Variants in TFDP1 observed in about 807,000 individuals in gnomAD.
TFDP1 encodes the protein DRTF1-polypeptide 1.
A neutral mutation model predicts 48.0 loss-of-function variants in TFDP1; 6 were observed. The observed-to-expected ratio is 0.13, with a 90% CI of 0.07 to 0.25. TFDP1 has a LOEUF of 0.25. Ranked by LOEUF, TFDP1 falls within the 10% of genes least tolerant of loss-of-function variation. The probability of loss-of-function intolerance (pLI) is 1.00; values close to 1 mark genes in which losing one functional copy is unlikely to be tolerated. For missense variants in TFDP1, 335 were observed against 543.0 expected, an observed-to-expected ratio of 0.62 and a Z score of 3.81; for synonymous variants, 201 against 211.6, an observed-to-expected ratio of 0.95 and a Z score of 0.44.
chr13:113,593,347 G>T (rs549401022), intron 2 of TFDP1, among the ~76,000 whole-genome samples: 2 of 138,970 alleles, frequency 1.4e-5, no homozygotes, highest in Admixed American at 7.1e-5. Context: ...CAGGTGACAG[G>T]TGTGCTGTGT....
At chr13:113,631,926 G>A in intron 5 of TFDP1, 182 bp downstream of exon 5, 1 of 808,858 alleles carries the variant, frequency 1.2e-6, no homozygotes, top group Non-Finnish European at 1.8e-6. Flanking sequence ...GAGGCGCACT[G>A]CCTCGGTCAT....
At chr13:113,606,799 A>G (rs1566648895) in intron 2 of TFDP1, among the ~76,000 whole-genome samples, 1 of 152,150 alleles carries the variant, frequency 6.6e-6, no homozygotes, top group Admixed American at 6.5e-5. Flanking sequence ...ACATTGTATT[A>G]TGAAATATTT....
At position 113,634,542 on chromosome 13, in the gene TFDP1, A is replaced by G; in HGVS notation, c.627A>G (p.Arg209=). Residue 209 remains arginine (R), a synonymous_variant, in exon 8 of 12, where the codon AGA becomes AGG. Coordinates refer to ENST00000375370, the MANE Select transcript of TFDP1 (RefSeq NM_007111.5). ...GTGGTTTGTTTTTGAAGGTGGAAAG[A>G]CAGAGGAGACTTGAAAGAATAAAAC... ...AQECQNLEVE[R]QRRLERIKQK... is the part of the protein sequence containing the mutation. 1.2e-6 allele frequency: 2 copies of G among 1,613,538 alleles called. No individual in the cohort carries two copies. Among genetic ancestry groups the G allele is most frequent in the East Asian group, 2.2e-5 (1 of 44,882 alleles).
chr13:113,606,396 A>T (rs1470541376), intron 2 of TFDP1, among the ~76,000 whole-genome samples: 1 of 152,170 alleles, frequency 6.6e-6, no homozygotes, highest in African/African-American at 2.4e-5. Context: ...TTTGGTGTCC[A>T]GTGAGAACCA....
chr13:113,588,943 G>A, intron 2 of TFDP1, among the ~76,000 whole-genome samples: 1 of 151,740 alleles, frequency 6.6e-6, no homozygotes. Flanking sequence ...GGTGTTGTGG[G>A]TGGAGAGTGA....
rs558801911 is a variant in TFDP1 at position 113,641,280 on chromosome 13, A to C, written c.*1013A>C. On this transcript the variant is annotated 3_prime_UTR_variant, in exon 12 of 12. Transcript: ENST00000375370. ...TAAGGACAGGCAGTAGTCTCTTTTA[A>C]AATTTATTCACAAAACCCATTAACT... 3 of 152,420 alleles carry C rather than the reference A, an allele frequency of 2.0e-5. No individual in the cohort carries two copies. In the East Asian group the frequency reaches 5.8e-4, roughly 29 times the overall value. The allele number at this position is 152,420 out of a possible 1,614,324, so 9.4% of individuals were successfully genotyped here. A position where few individuals can be genotyped will look rare whatever the true frequency, so the allele number is the denominator to read the frequency against.
rs551335371 is a variant in TFDP1 at position 113,586,461 on chromosome 13, A to G, written c.12+612A>G. ...TATTTTGAAAATTTTTTAAAGCCAG[A>G]AATTTAGTCTATTTTATTGGTGTGC... On this transcript the variant is annotated intron_variant, in intron 2 of 11. Coordinates refer to ENST00000375370, the MANE Select transcript of TFDP1 (RefSeq NM_007111.5). Among the ~76,000 whole-genome samples the G allele has an allele frequency of 7.2e-5, 11 of 152,294 alleles. No individual in the cohort carries two copies. In the South Asian group the frequency reaches 2.1e-3, roughly 29 times the overall value.
chr13:113,625,453 GTC>G (rs1278094670), intron 4 of TFDP1, among the ~76,000 whole-genome samples: 1 of 105,146 alleles, frequency 9.5e-6, no homozygotes, highest in Admixed American at 9.5e-5. Flanking sequence ...GTCCTCAGGT[GTC>G]TCTCACGTGT....
At chr13:113,624,933 G>C (rs1235101501) in intron 4 of TFDP1, among the ~76,000 whole-genome samples, 3 of 143,604 alleles carry the variant, frequency 2.1e-5, no homozygotes. Flanking sequence ...TGTTTCTCAG[G>C]TGTCTCTCAC....
At chr13:113,616,146 T>A (rs983281323) in intron 3 of TFDP1, among the ~76,000 whole-genome samples, 1 of 148,480 alleles carries the variant, frequency 6.7e-6, no homozygotes, top group South Asian at 2.1e-4. Flanking sequence ...GAGGTTGCAG[T>A]GAGCTGAGAT....
intron 4 of TFDP1, among the ~76,000 whole-genome samples, chr13:113,631,084 G>A (rs1286059161): frequency 6.6e-6 from 1 of 152,256 alleles, no homozygotes; most frequent in African/African-American, 2.4e-5. Context: ...CTGCTGGGCT[G>A]GAGGAGCAGC....
chr13:113,588,413 A>G (rs1318436092), intron 2 of TFDP1, among the ~76,000 whole-genome samples: 1 of 152,230 alleles, frequency 6.6e-6, no homozygotes, highest in Non-Finnish European at 1.5e-5. Flanking sequence ...ACACAAGAGA[A>G]AAACAACTCC....
intron 2 of TFDP1, among the ~76,000 whole-genome samples, chr13:113,595,808 T>C (rs4150698): frequency 1.1e-3 from 174 of 152,282 alleles, no homozygotes; most frequent in Middle Eastern, 3.4e-3. Context: ...GGCGGCCGGG[T>C]GCGGTGGCTC....
intron 4 of TFDP1, among the ~76,000 whole-genome samples, chr13:113,628,748 G>A (rs12867405): frequency 0.2 from 29,819 of 152,102 alleles, 3,354 homozygotes; most frequent in Admixed American, 0.3. Flanking sequence ...TATCCTTCCC[G>A]GCACTGTCCC....
chr13:113,585,072 C>T (rs868019059), intron 1 of TFDP1, among the ~76,000 whole-genome samples, 184 bp downstream of exon 1: 1,550 of 146,922 alleles, frequency 0.011, 35 homozygotes, highest in East Asian at 0.11. Flanking sequence ...CTGGTAGGGG[C>T]TCCCCAGGTG....
At chr13:113,597,227 T>C (rs1260836358) in intron 2 of TFDP1, among the ~76,000 whole-genome samples, 3 of 152,220 alleles carry the variant, frequency 2.0e-5, no homozygotes, top group Non-Finnish European at 4.4e-5. Context: ...ATGTAAAAAC[T>C]TTTCCAGAAG....
chr13:113,615,160 G>A (rs905011739), intron 3 of TFDP1, among the ~76,000 whole-genome samples: 10 of 152,178 alleles, frequency 6.6e-5, no homozygotes, highest in Non-Finnish European at 1.0e-4. Context: ...TACATCTTAC[G>A]TGGGCCATTT....
chr13:113,625,728 G>A (rs1461501015), intron 4 of TFDP1, among the ~76,000 whole-genome samples: 10 of 47,400 alleles, frequency 2.1e-4, no homozygotes, highest in Non-Finnish European at 3.6e-4. Flanking sequence ...GTCTTCAGGC[G>A]TCTCTCACGT....
At position 113,609,199 on chromosome 13, in the gene TFDP1, C is replaced by T. The variant is rs957562621; in HGVS notation, c.13-1797C>T. ...TCCACGGCTCTTTTCCTTGATATTGCGTCACACGCCGTCTGTGGGCCCCTG... is the reference window on the plus strand; with the variant it reads ...TCCACGGCTCTTTTCCTTGATATTGTGTCACACGCCGTCTGTGGGCCCCTG... On this transcript the variant is annotated intron_variant, in intron 2 of 11. Transcript: ENST00000375370. 2.6e-5 allele frequency among the ~76,000 whole-genome samples: 4 copies of T among 152,342 alleles called. No individual in the cohort carries two copies. The South Asian group carries it at 6.2e-4, about 24-fold the overall frequency.
Sources: gnomAD v4.1 joint callset for allele counts (sites outside exome capture counted in the v4.1 genomes callset) on GRCh38, gnomAD v4.1.1 for gene constraint, MANE v1.5 for transcripts, NCBI Gene and HGNC (gene_info 2026-07-23, HGNC 2026-07-21) for gene names.